ESR1: variants seen among roughly 807,000 people sequenced by gnomAD.
ESR1 encodes the protein estrogen receptor.
Under a neutral mutation model 52.7 loss-of-function variants are expected in ESR1, and 12 were observed. The observed-to-expected ratio is 0.23, with a 90% CI of 0.15 to 0.37. ESR1 has a LOEUF of 0.37. Among genes scored for constraint, ESR1 ranks in the 10% least tolerant of loss-of-function variants. ESR1 has a pLI of 1.00. For synonymous variants in ESR1, 305 were observed against 316.8 expected (o/e 0.96, Z 0.39); for missense variants, 584 against 779.7 (o/e 0.75, Z 2.99).
chr6:151,696,695 A>G (rs1164683714), intron 1 of ESR1, among the ~76,000 whole-genome samples: 1 of 152,154 alleles, frequency 6.6e-6, no homozygotes, highest in East Asian at 1.9e-4. Context: ...ATAATATGAT[A>G]TGTGACTATT....
intron 6 of ESR1, among the ~76,000 whole-genome samples, chr6:152,070,259 A>G (rs2048261985): frequency 7.3e-6 from 1 of 137,452 alleles, no homozygotes; most frequent in Non-Finnish European, 1.5e-5. Context: ...CACTAATCAA[A>G]GAACTAGAGG....
intron 2 of ESR1, among the ~76,000 whole-genome samples, chr6:151,703,469 C>G (rs1190017238): frequency 6.6e-6 from 1 of 152,104 alleles, no homozygotes; most frequent in Non-Finnish European, 1.5e-5. Flanking sequence ...TAGTTCTAAT[C>G]TCTCTGCTCA....
intron 6 of ESR1, among the ~76,000 whole-genome samples, chr6:152,064,626 G>A (rs2047818042): frequency 6.6e-6 from 1 of 151,984 alleles, no homozygotes; most frequent in African/African-American, 2.4e-5. Flanking sequence ...TGTTGTGTGG[G>A]GTTTTTTTCT....
At chr6:152,096,403 C>G (rs2050612497) in intron 7 of ESR1, among the ~76,000 whole-genome samples, 2 of 152,216 alleles carry the variant, frequency 1.3e-5, no homozygotes, top group South Asian at 4.1e-4. Flanking sequence ...AACTCCCAGG[C>G]ACCACCCTTT....
chr6:151,891,501 A>G (rs995361489), intron 3 of ESR1, among the ~76,000 whole-genome samples: 2 of 152,010 alleles, frequency 1.3e-5, no homozygotes, highest in African/African-American at 2.4e-5. Context: ...TGTTTGTTTC[A>G]GTGGTTGTGA....
chr6:151,768,060 T>C (rs537940658), intron 2 of ESR1, among the ~76,000 whole-genome samples: 2 of 152,308 alleles, frequency 1.3e-5, no homozygotes, highest in South Asian at 2.1e-4. Context: ...GAATCACCAG[T>C]GGATGCTAAA....
rs2050485476 is a variant in ESR1, at chr6:152,094,841, G to A, written c.1553+273G>A. ...CTTTGGGGCAGTGGTTTAGAGATTG[G>A]GTGCAGTGTGCAAATAGGAGGAGGG... On this transcript the variant is annotated intron_variant, in intron 7 of 7. Transcript: ENST00000206249. This position sits in a 1 kb window ranked among gnomAD's most constrained non-coding sequence, Gnocchi z 4.6. Among the ~76,000 whole-genome samples the A allele has an allele frequency of 6.6e-6, 1 of 152,132 alleles. No homozygotes were observed. The highest frequency in any genetic ancestry group is 2.4e-5 in the African/African-American group (1 of 41,422).
Position 152,016,443 on chromosome 6 carries a change from A to G in ESR1, c.1235+4649A>G, listed in dbSNP as rs1163407908. Among the ~76,000 whole-genome samples, 4 of 152,182 alleles carry G rather than the reference A, an allele frequency of 2.6e-5. No homozygotes were observed. In the East Asian group the frequency reaches 7.7e-4, roughly 29 times the overall value. Reference sequence around the variant, plus strand: ...CCTTTCTAATCATTAACATGCACTAAATATTATTAAATTTCAATATTATTT... The same window carrying G: ...CCTTTCTAATCATTAACATGCACTAGATATTATTAAATTTCAATATTATTT... On this transcript the variant is annotated intron_variant, in intron 5 of 7. Coordinates refer to ENST00000206249, the MANE Select transcript of ESR1 (RefSeq NM_000125.4).
At chr6:151,903,151 AT>A (rs369893666) in intron 3 of ESR1, among the ~76,000 whole-genome samples, 5 of 151,822 alleles carry the variant, frequency 3.3e-5, no homozygotes, top group Non-Finnish European at 5.9e-5. Flanking sequence ...ATTTTTAGTA[AT>A]TTTTTTTATT....
intron 2 of ESR1, among the ~76,000 whole-genome samples, chr6:151,727,842 A>C (rs1583036725): frequency 6.6e-6 from 1 of 152,268 alleles, no homozygotes; most frequent in East Asian, 1.9e-4. Flanking sequence ...CTCACCTGCC[A>C]CCATGTAAGA....
intron 4 of ESR1, among the ~76,000 whole-genome samples, chr6:152,000,948 G>A (rs992865930): frequency 1.3e-5 from 2 of 151,952 alleles, no homozygotes; most frequent in African/African-American, 2.4e-5. Context: ...ATGGCAACCC[G>A]AGGAAACTAA....
intron 2 of ESR1, among the ~76,000 whole-genome samples, chr6:151,768,139 C>T (rs779188089): frequency 2.0e-5 from 3 of 152,140 alleles, no homozygotes; most frequent in African/African-American, 4.8e-5. Flanking sequence ...ACATAGGATA[C>T]TTATTAATTG....
chr6:151,850,048 ATATATATATAAT>A lies in ESR1; in HGVS notation c.643+7263_643+7274del, dbSNP rs1562474176. On this transcript the variant is annotated intron_variant, in intron 2 of 7. Transcript: ENST00000206249. Reference sequence around the variant, plus strand: ...CAAAATTATATATATATATAATTTTATATATATATAATTTTATATATATATAAAAAATTATAT... The same window carrying A: ...CAAAATTATATATATATATAATTTTATTTATATATATATAAAAAATTATAT... Among the ~76,000 whole-genome samples the A allele has an allele frequency of 4.7e-5, 6 of 128,444 alleles. No individual in the cohort carries two copies. The East Asian group carries it at 1.2e-3, about 25-fold the overall frequency. The allele number at this position is 128,444 out of a possible 152,430, so 84.3% of individuals were successfully genotyped here.
In ESR1 at chr6:151,950,312, G is replaced by GGGC. The variant is rs1209017938; in HGVS notation, c.1096+5805_1096+5807dup. Among the ~76,000 whole-genome samples the GGGC allele has an allele frequency of 2.6e-5, 4 of 152,170 alleles. No individual in the cohort carries two copies. The South Asian group carries it at 8.3e-4, about 32-fold the overall frequency. On this transcript the variant is annotated intron_variant, in intron 4 of 7. Coordinates refer to ENST00000206249, the MANE Select transcript of ESR1 (RefSeq NM_000125.4). ...ACGTAGTGGACTTGTGGTGTCCCCA[G>GGGC]GGCACCCTGTGGGGAATGTTGGCCT...
At chr6:151,776,707 G>A (rs1381838390) in intron 2 of ESR1, among the ~76,000 whole-genome samples, 3 of 151,958 alleles carry the variant, frequency 2.0e-5, no homozygotes, top group Non-Finnish European at 2.9e-5. Context: ...GCTTGGTGGC[G>A]GGTGCCTGTA....
chr6:151,961,558 T>A (rs1442476481), intron 4 of ESR1, among the ~76,000 whole-genome samples: 2 of 152,000 alleles, frequency 1.3e-5, no homozygotes, highest in East Asian at 3.9e-4. Context: ...GATAGGAAGG[T>A]GGAACCCTGT....
intron 5 of ESR1, among the ~76,000 whole-genome samples, chr6:152,031,262 A>G (rs1490497268): frequency 6.6e-6 from 1 of 152,240 alleles, no homozygotes; most frequent in Non-Finnish European, 1.5e-5. Flanking sequence ...TTCAAAAGCT[A>G]GCAGAAGACA....
At chr6:151,847,938 G>C (rs1785436099) in intron 2 of ESR1, among the ~76,000 whole-genome samples, 1 of 150,610 alleles carries the variant, frequency 6.6e-6, no homozygotes, top group Admixed American at 6.6e-5. Flanking sequence ...CAGGGATCTA[G>C]AACTAGAAAT....
intron 1 of ESR1, among the ~76,000 whole-genome samples, chr6:151,678,990 T>A (rs1778358056): frequency 6.6e-6 from 1 of 152,180 alleles, no homozygotes; most frequent in East Asian, 1.9e-4. Context: ...CAGCCACCAC[T>A]GGGTTTTATA....
Sources: gnomAD v4.1 joint callset for allele counts (sites outside exome capture counted in the v4.1 genomes callset) on GRCh38, gnomAD v4.1.1 for gene constraint, Gnocchi (gnomAD v3.1) non-coding constraint, MANE v1.5 for transcripts, NCBI Gene and HGNC (gene_info 2026-07-23, HGNC 2026-07-21) for gene names.